DNAH10: variants seen among roughly 807,000 people sequenced by gnomAD.
DNAH10 encodes the protein dynein axonemal heavy chain 10, also known as axonemal beta dynein heavy chain 10.
DNAH10 carries 348 observed loss-of-function variants against 506.6 expected under a neutral mutation model. The ratio of observed to expected loss-of-function variants is 0.69; its 90% CI spans 0.63 to 0.75. The LOEUF (loss-of-function observed/expected upper bound fraction) is 0.75. Ranked by LOEUF, DNAH10 falls within the 30% of genes least tolerant of loss-of-function variation. The pLI, the probability that DNAH10 is intolerant of heterozygous loss-of-function variation, is 0.00. For synonymous variants in DNAH10, 2,059 were observed against 2,198.6 expected, an observed-to-expected ratio of 0.94 and a Z score of 1.78; for missense variants, 5,179 against 5,787.1, an observed-to-expected ratio of 0.89 and a Z score of 3.41.
In DNAH10 at chr12:123,916,345, C is replaced by T; in HGVS notation, c.10723-112C>T. 3 of 1,373,966 alleles carry T rather than the reference C, an allele frequency of 2.2e-6. No homozygotes were observed. Among genetic ancestry groups the T allele is most frequent in the South Asian group, 1.4e-5 (1 of 71,270 alleles). The allele number at this position is 1,373,966 out of a possible 1,614,324, so 85.1% of individuals were successfully genotyped here. ...TTCTCTCTTCTTTTCACCTCTGGCCCCCTCCAAGTTCCTGGCCCATCCACT... is the reference window on the plus strand; with the variant it reads ...TTCTCTCTTCTTTTCACCTCTGGCCTCCTCCAAGTTCCTGGCCCATCCACT... On this transcript the variant is annotated intron_variant, in intron 62 of 78. Coordinates refer to ENST00000673944, the MANE Select transcript of DNAH10 (RefSeq NM_001372106.1). The surrounding 1 kb of genome is among the most constrained non-coding windows in gnomAD (Gnocchi z 4.6).
rs777400547 is a variant in DNAH10 at position 123,875,402 on chromosome 12, A to G, written c.8110A>G (p.Ile2704Val). The change falls in exon 47 of 79, where the codon ATT becomes GTT. Residue 2704 changes from isoleucine (I) to valine (V), a missense_variant. Around this residue, in one of 3 missense-constraint regions of DNAH10, gnomAD observed 4,844 missense variants for 5,430.5 expected, o/e 0.89. Coordinates refer to ENST00000673944, the MANE Select transcript of DNAH10 (RefSeq NM_001372106.1). The part of the protein sequence containing the change: ...GGRNEVDPRF[I>V]SLFSVFNVPF... ...CCGCAATGAAGTTGACCCAAGATTT[A>G]TTTCGCTATTCAGTGTCTTCAATGT... 2 of 1,613,972 alleles carry G rather than the reference A, an allele frequency of 1.2e-6. No individual in the cohort carries two copies. The highest frequency in any genetic ancestry group is 1.7e-6 in the Non-Finnish European group (2 of 1,179,888).
intron 18 of DNAH10, among the ~76,000 whole-genome samples, chr12:123,805,308 C>T (rs995789508): frequency 2.0e-5 from 3 of 152,208 alleles, no homozygotes; most frequent in Non-Finnish European, 2.9e-5. Context: ...AGCAGAGAAT[C>T]GCTGTCACTC....
intron 55 of DNAH10, 132 bp downstream of exon 55, chr12:123,898,099 G>A: frequency 1.2e-6 from 1 of 864,826 alleles, no homozygotes; most frequent in Non-Finnish European, 1.7e-6. Context: ...CTTGGATTTT[G>A]TGTCTTGGAG....
intron 78 of DNAH10, 25 bp from the exon 79 acceptor site, chr12:123,935,310 C>A: frequency 6.3e-7 from 1 of 1,591,968 alleles, no homozygotes; most frequent in Non-Finnish European, 8.6e-7. Context: ...TCCGTGGGGG[C>A]ATCTCACCTG....
intron 36 of DNAH10, 57 bp from the exon 37 acceptor site, chr12:123,856,999 C>T (rs1203707985): frequency 6.0e-6 from 9 of 1,506,648 alleles, no homozygotes; most frequent in Admixed American, 1.9e-5. Flanking sequence ...GAAACACAGT[C>T]CAAAGCACTG....
chr12:123,867,958 T>A lies in DNAH10; in HGVS notation c.7358T>A (p.Leu2453His), dbSNP rs61730202. 8.3e-3 allele frequency: 13,451 copies of A among 1,613,856 alleles called. 517 individuals are homozygous for A. In the African/African-American group the frequency reaches 0.11, roughly 13 times the overall value. ...DALLEGEIED[L>H]DLLECYFLEA... ...TTGCTAGAAGGAGAAATAGAAGACC[T>A]TGACCTGCTGGAGTGCTACTTCCTG... Residue 2453 changes from leucine (L) to histidine (H), a missense_variant, in exon 43 of 79, where the codon CTT (leucine) becomes CAT (histidine). By Grantham distance (99) the Leu-to-His change is moderately conservative. Transcript: ENST00000673944.
At chr12:123,817,788 AT>A (rs1429328262) in intron 21 of DNAH10, among the ~76,000 whole-genome samples, 1 of 152,132 alleles carries the variant, frequency 6.6e-6, no homozygotes, top group Non-Finnish European at 1.5e-5. Flanking sequence ...GTGATGTTAT[AT>A]TTTATCAGAG....
chr12:123,891,061 G>A (rs753467721), intron 52 of DNAH10, among the ~76,000 whole-genome samples: 23 of 152,168 alleles, frequency 1.5e-4, no homozygotes, highest in Non-Finnish European at 2.6e-4. Context: ...GAGGCCAGGA[G>A]CCCAAGATCA....
intron 56 of DNAH10, among the ~76,000 whole-genome samples, chr12:123,901,581 A>C (rs1444022962): frequency 6.6e-6 from 1 of 152,248 alleles, no homozygotes; most frequent in Non-Finnish European, 1.5e-5. Flanking sequence ...GGCCTGCTGC[A>C]TTCATCTCCC....
intron 15 of DNAH10, among the ~76,000 whole-genome samples, 163 bp downstream of exon 15, chr12:123,800,551 G>T (rs1052852247): frequency 2.0e-5 from 3 of 152,028 alleles, no homozygotes; most frequent in Non-Finnish European, 4.4e-5. Flanking sequence ...CCTGGGCGTT[G>T]TGGTGCTACC....
rs558233908 is a variant in DNAH10, at chr12:123,916,884, A to T, written c.11002+148A>T. ...CATCTGGACTAGTCAGCTCTTACCA[A>T]TTAGGTACCACTTAGAAGGTGTGAG... is the stretch of plus-strand genomic sequence containing the variant. On this transcript the variant is annotated intron_variant, in intron 63 of 78. Transcript: ENST00000673944. The surrounding 1 kb of genome is among the most constrained non-coding windows in gnomAD (Gnocchi z 4.6). 9.9e-7 allele frequency: 1 copy of T among 1,013,054 alleles called. No individual in the cohort carries two copies. Among genetic ancestry groups the T allele is most frequent in the South Asian group, 1.8e-5 (1 of 56,186 alleles). The allele number at this position is 1,013,054 out of a possible 1,614,324, so 62.8% of individuals were successfully genotyped here.
At position 123,897,770 on chromosome 12, in the gene DNAH10, G is replaced by A. The variant is rs773102065; in HGVS notation, c.9281G>A (p.Gly3094Glu). ...ALHAVAKSFL[G>E]YNPMIPAENI... ...ACATTTTTTATTCCTTCCTCTTCAG[G>A]GTATAATCCAATGATCCCGGCAGAA... The change falls in exon 55 of 79, where the codon GGG (glycine) becomes GAG (glutamate). Residue 3094 changes from glycine (G) to glutamate (E), a missense_variant and splice_region_variant. Around this residue, in one of 3 missense-constraint regions of DNAH10, gnomAD observed 4,844 missense variants for 5,430.5 expected, o/e 0.89. Coordinates refer to ENST00000673944, the MANE Select transcript of DNAH10 (RefSeq NM_001372106.1). The A allele has an allele frequency of 5.0e-6, 8 of 1,601,384 alleles. No homozygotes were observed. Among genetic ancestry groups the A allele is most frequent in the Non-Finnish European group, 6.8e-6 (8 of 1,176,774 alleles).
chr12:123,846,031 G>A lies in DNAH10; in HGVS notation c.5691G>A (p.Glu1897=), dbSNP rs948384182. ...AGTTGCGGTTTTATTGGGACCGGGAGCCGGATGAGCTGAACATCCGCCAGT... is the reference window on the plus strand; with the variant it reads ...AGTTGCGGTTTTATTGGGACCGGGAACCGGATGAGCTGAACATCCGCCAGT... ...ESQLRFYWDR[E]PDELNIRQCT... Residue 1897 remains glutamate (E), a synonymous_variant, in exon 32 of 79, where the codon GAG becomes GAA. Coordinates refer to ENST00000673944, the MANE Select transcript of DNAH10 (RefSeq NM_001372106.1). The surrounding 1 kb of genome is among the most constrained non-coding windows in gnomAD (Gnocchi z 4.5). 1.9e-6 allele frequency: 3 copies of A among 1,613,884 alleles called. No individual in the cohort carries two copies. The highest frequency in any genetic ancestry group is 2.7e-5 in the African/African-American group (2 of 74,912).
chr12:123,808,882 C>T lies in DNAH10; in HGVS notation c.3073C>T (p.Leu1025Phe). 1 of 1,614,194 alleles carries T rather than the reference C, an allele frequency of 6.2e-7. No homozygotes were observed. Among genetic ancestry groups the T allele is most frequent in the South Asian group, 1.1e-5 (1 of 91,080 alleles). The change falls in exon 19 of 79, where the codon CTT becomes TTT. Residue 1025 changes from leucine to phenylalanine, a missense_variant. Coordinates refer to ENST00000673944, the MANE Select transcript of DNAH10 (RefSeq NM_001372106.1). The part of the protein sequence containing the change: ...ETILTAPEII[L>F]HPNTNEIDKM... ...CATTCTGACGGCACCTGAGATCATC[C>T]TTCATCCCAACACAAATGAGATCGA...
In DNAH10 at chr12:123,785,700, C is replaced by T; in HGVS notation, c.1231-46C>T. On this transcript the variant is annotated intron_variant, in intron 8 of 78. Coordinates refer to ENST00000673944, the MANE Select transcript of DNAH10 (RefSeq NM_001372106.1). The surrounding 1 kb of genome is among the most constrained non-coding windows in gnomAD (Gnocchi z 4.1). The stretch of plus-strand genomic sequence containing the variant: ...TTACTGTTTTATGAAACTATTTGGA[C>T]CCCAAGGCTAAGGGCTCTTGCGTGG... 6.9e-7 allele frequency: 1 copy of T among 1,458,972 alleles called. No individual in the cohort carries two copies. The highest frequency in any genetic ancestry group is 9.2e-7 in the Non-Finnish European group (1 of 1,088,070). 90.4% of individuals were successfully genotyped at this position (1,458,972 alleles called of 1,614,324 possible).
intron 25 of DNAH10, among the ~76,000 whole-genome samples, chr12:123,828,775 T>C (rs1177785978): frequency 2.0e-5 from 3 of 152,196 alleles, no homozygotes; most frequent in Non-Finnish European, 4.4e-5. Flanking sequence ...TTAAAATGCA[T>C]GGGCTGGAAA....
chr12:123,895,285 T>C (rs116077391), intron 54 of DNAH10, among the ~76,000 whole-genome samples: 2 of 152,362 alleles, frequency 1.3e-5, no homozygotes, highest in African/African-American at 4.8e-5. Context: ...AGGAAGTCTG[T>C]CTTCAGGGAA....
Position 123,772,888 on chromosome 12 carries a change from C to A in DNAH10, c.451C>A (p.Leu151Ile). The A allele has an allele frequency of 6.2e-7, 1 of 1,613,138 alleles. No homozygotes were observed. Among genetic ancestry groups the A allele is most frequent in the Non-Finnish European group, 8.5e-7 (1 of 1,179,618 alleles). The change falls in exon 4 of 79, where the codon CTT becomes ATT. Residue 151 changes from leucine to isoleucine, a missense_variant. Coordinates refer to ENST00000673944, the MANE Select transcript of DNAH10 (RefSeq NM_001372106.1). ...GCATCTCCACATGCTCTGTACCCCT[C>A]TTCCCGAGGAGTTCCTGGACCAAAA... ...KMHLHMLCTP[L>I]PEEFLDQNVV...
chr12:123,860,819 G>A (rs1036694996), intron 38 of DNAH10, among the ~76,000 whole-genome samples, 193 bp from the exon 39 acceptor site: 18 of 152,118 alleles, frequency 1.2e-4, no homozygotes, highest in African/African-American at 4.3e-4. Context: ...CCACATTTTT[G>A]GTGAAATGTG....
Sources: allele counts gnomAD v4.1 joint callset (sites outside exome capture counted in the v4.1 genomes callset), GRCh38; gene constraint gnomAD v4.1.1; regional missense constraint gnomAD v4.1.1; non-coding constraint Gnocchi (gnomAD v3.1); transcripts MANE v1.5; gene names NCBI Gene and HGNC (gene_info 2026-07-23, HGNC 2026-07-21).